Variants in CALCR observed in about 807,000 individuals in gnomAD.
The protein encoded by CALCR is calcitonin receptor.
CALCR carries 47 observed loss-of-function variants against 59.5 expected under a neutral mutation model. That is an observed-to-expected ratio of 0.79 (90% CI 0.63 to 1.01). The LOEUF (loss-of-function observed/expected upper bound fraction) is 1.01. CALCR is among the 50% of genes least tolerant of loss of function. The pLI, the probability that CALCR is intolerant of heterozygous loss-of-function variation, is 0.00. For missense variants in CALCR, 566 were observed against 597.1 expected (o/e 0.95, Z 0.54); for synonymous variants, 213 against 211.3 (o/e 1.01, Z -0.07).
At chr7:93,473,721 A>T (rs1800606831) in intron 5 of CALCR, among the ~76,000 whole-genome samples, 1 of 151,560 alleles carries the variant, frequency 6.6e-6, no homozygotes, top group Non-Finnish European at 1.5e-5. Context: ...TTACACTAAA[A>T]TATTTTGGAG....
At position 93,443,756 on chromosome 7, in the gene CALCR, A is replaced by G; in HGVS notation, c.650T>C (p.Val217Ala). 6.2e-7 allele frequency: 1 copy of G among 1,612,152 alleles called. No individual in the cohort carries two copies. Among genetic ancestry groups the G allele is most frequent in the Non-Finnish European group, 8.5e-7 (1 of 1,178,698 alleles). The stretch of plus-strand genomic sequence containing the variant: ...GAAAAAATGCAAAATCTTGCAGCTC[A>G]CCTGTCAGAAAGAAAGGAAGATACT... ...PNGELVRRDPVSCKILHFFHQ... is the reference protein window; with the variant it reads ...PNGELVRRDPASCKILHFFHQ... Residue 217 changes from valine (V) to alanine (A), a missense_variant and splice_region_variant, in exon 9 of 14, where the codon GTG (valine) becomes GCG (alanine). Coordinates refer to ENST00000426151, the MANE Select transcript of CALCR (RefSeq NM_001742.4).
intron 2 of CALCR, among the ~76,000 whole-genome samples, chr7:93,569,425 G>C (rs905396281): frequency 4.6e-5 from 7 of 152,164 alleles, no homozygotes; most frequent in Non-Finnish European, 1.0e-4. Flanking sequence ...GCCACAATCT[G>C]GTGTCCTGCC....
intron 2 of CALCR, among the ~76,000 whole-genome samples, chr7:93,514,165 T>G (rs1801605628): frequency 6.6e-6 from 1 of 152,110 alleles, no homozygotes; most frequent in Admixed American, 6.6e-5. Context: ...TGACATAGGC[T>G]GAATATAACT....
chr7:93,513,107 A>G (rs1484003631), intron 2 of CALCR, among the ~76,000 whole-genome samples: 1 of 152,142 alleles, frequency 6.6e-6, no homozygotes, highest in African/African-American at 2.4e-5. Context: ...CACTCTAGAA[A>G]GCCTGGAAAT....
intron 2 of CALCR, 47 bp from the exon 3 acceptor site, chr7:93,487,054 A>C: frequency 1.0e-6 from 1 of 952,500 alleles, no homozygotes; most frequent in Non-Finnish European, 1.7e-6. Context: ...TATATCTCTA[A>C]TATTGGCTAT....
chr7:93,535,615 T>C (rs527839052), intron 2 of CALCR, among the ~76,000 whole-genome samples: 1 of 151,896 alleles, frequency 6.6e-6, no homozygotes, highest in East Asian at 1.9e-4. Context: ...ATAGAGACCA[T>C]AGGGCATCTC....
chr7:93,493,235 A>G (rs954668317), intron 2 of CALCR, among the ~76,000 whole-genome samples: 5 of 151,376 alleles, frequency 3.3e-5, no homozygotes, highest in African/African-American at 1.2e-4. Flanking sequence ...TGAGTTAAAT[A>G]AAACATGGAA....
chr7:93,496,026 A>C (rs1040673970), intron 2 of CALCR: 2 of 1,001,206 alleles, frequency 2.0e-6, no homozygotes, highest in African/African-American at 1.7e-5. Flanking sequence ...GATTGAACAG[A>C]ATGTCTTCAT....
intron 2 of CALCR, among the ~76,000 whole-genome samples, chr7:93,531,424 G>A (rs1427303383): frequency 1.3e-5 from 2 of 152,022 alleles, no homozygotes; most frequent in East Asian, 3.9e-4. Flanking sequence ...CATGCCCTGT[G>A]ACTTCAGAAA....
chr7:93,458,952 T>C (rs1800263023), intron 8 of CALCR, among the ~76,000 whole-genome samples: 1 of 152,152 alleles, frequency 6.6e-6, no homozygotes, highest in South Asian at 2.1e-4. Context: ...TAAAGTGCAG[T>C]CCATTAACAA....
At chr7:93,532,838 CAAA>C (rs57128008) in intron 2 of CALCR, among the ~76,000 whole-genome samples, 1,939 of 95,620 alleles carry the variant, frequency 0.02, 18 homozygotes, top group African/African-American at 0.079. Context: ...ATGTCCAAAG[CAAA>C]AAAAAAAAAA....
At chr7:93,496,589 T>A (rs564475779) in intron 2 of CALCR, among the ~76,000 whole-genome samples, 24 of 151,610 alleles carry the variant, frequency 1.6e-4, no homozygotes, top group Non-Finnish European at 3.1e-4. Flanking sequence ...AGCCCAGTAC[T>A]ATAATGGGCA....
chr7:93,474,202 T>A (rs990615376), intron 5 of CALCR, among the ~76,000 whole-genome samples: 1 of 151,650 alleles, frequency 6.6e-6, no homozygotes, highest in African/African-American at 2.4e-5. Context: ...GGAAATCACA[T>A]CAATATATAT....
chr7:93,486,889 A>G (rs1448613876), intron 3 of CALCR, 42 bp downstream of exon 3: 3 of 1,146,352 alleles, frequency 2.6e-6, no homozygotes, highest in Non-Finnish European at 2.6e-6. Flanking sequence ...CTTATTCAGC[A>G]TTCTTCATTA....
intron 7 of CALCR, among the ~76,000 whole-genome samples, chr7:93,467,953 AT>A (rs1800475551): frequency 6.6e-6 from 1 of 151,648 alleles, no homozygotes; most frequent in African/African-American, 2.4e-5. Flanking sequence ...TAAAAAAAAA[AT>A]ACACATACAG....
At chr7:93,477,437 G>A (rs1354560732) in intron 5 of CALCR, 121 bp downstream of exon 5, 5 of 601,876 alleles carry the variant, frequency 8.3e-6, no homozygotes, top group Non-Finnish European at 1.5e-5. Flanking sequence ...AAACACTTCA[G>A]AAGTTGCTAA....
chr7:93,558,485 G>C (rs1789662121), intron 2 of CALCR, among the ~76,000 whole-genome samples: 1 of 152,040 alleles, frequency 6.6e-6, no homozygotes, highest in African/African-American at 2.4e-5. Context: ...GAAGTAAATA[G>C]AGATTCATTG....
intron 2 of CALCR, among the ~76,000 whole-genome samples, chr7:93,533,331 C>T (rs182333816): frequency 4.6e-5 from 7 of 151,946 alleles, no homozygotes; most frequent in Admixed American, 3.9e-4. Context: ...TTCATTTTTT[C>T]TGTATTGGCT....
At chr7:93,434,102 G>T in intron 13 of CALCR, 151 bp downstream of exon 13, 1 of 669,920 alleles carries the variant, frequency 1.5e-6, no homozygotes, top group Non-Finnish European at 2.7e-6. Context: ...ATTCAGCTTG[G>T]AGTAGTGGAA....
Sources: gnomAD v4.1 joint callset for allele counts (sites outside exome capture counted in the v4.1 genomes callset) on GRCh38, gnomAD v4.1.1 for gene constraint, MANE v1.5 for transcripts, NCBI Gene and HGNC (gene_info 2026-07-23, HGNC 2026-07-21) for gene names.